The following KMT2C variants were observed in gnomAD, a reference collection of about 807,000 sequenced individuals.
KMT2C encodes lysine methyltransferase 2C, also known as histone-lysine N-methyltransferase 2C.
KMT2C carries 88 observed loss-of-function variants against 507.9 expected under a neutral mutation model. That is an observed-to-expected ratio of 0.17 (90% CI 0.15 to 0.21). The LOEUF (loss-of-function observed/expected upper bound fraction) is 0.21, where lower values mean the gene tolerates loss of function less well. Among genes scored for constraint, KMT2C ranks in the 10% least tolerant of loss-of-function variants. The pLI is 1.00. For missense variants in KMT2C, 4,954 were observed against 5,957.8 expected (o/e 0.83, Z 5.55); for synonymous variants, 2,049 against 2,080.8 (o/e 0.98, Z 0.42).
intron 1 of KMT2C, among the ~76,000 whole-genome samples, chr7:152,362,319 G>A (rs2097203764): frequency 2.0e-5 from 3 of 152,060 alleles, no homozygotes; most frequent in Admixed American, 2.0e-4. Context: ...GGGTTAGAGG[G>A]ACAAGAAGGA....
chr7:152,257,892 A>C (rs2095688415), intron 9 of KMT2C, among the ~76,000 whole-genome samples: 1 of 151,708 alleles, frequency 6.6e-6, no homozygotes, highest in African/African-American at 2.4e-5. Context: ...CACAAAAAAA[A>C]CACCTCATAA....
chr7:152,367,878 ATT>A, intron 1 of KMT2C: 1 of 1,065,860 alleles, frequency 9.4e-7, no homozygotes, highest in Non-Finnish European at 1.5e-6. Flanking sequence ...ACCATTGGAT[ATT>A]GAGTTTATGA....
intron 2 of KMT2C, among the ~76,000 whole-genome samples, chr7:152,354,244 A>C (rs560116543): frequency 2.6e-5 from 4 of 152,206 alleles, no homozygotes; most frequent in African/African-American, 7.2e-5. Flanking sequence ...CGTGGGGCTT[A>C]CTACTCTCCA....
At chr7:152,306,956 A>T (rs2360217) in intron 6 of KMT2C, among the ~76,000 whole-genome samples, 5 of 151,924 alleles carry the variant, frequency 3.3e-5, no homozygotes, top group African/African-American at 9.7e-5. Context: ...CTCAGGAGAT[A>T]GAGACTAGCC....
intron 6 of KMT2C, among the ~76,000 whole-genome samples, chr7:152,298,093 C>T (rs2096532714): frequency 6.6e-6 from 1 of 151,220 alleles, no homozygotes; most frequent in Admixed American, 6.6e-5. Flanking sequence ...CAGACACTAG[C>T]TAAAGTACAA....
At chr7:152,325,294 G>A (rs769984419) in intron 3 of KMT2C, among the ~76,000 whole-genome samples, 1 of 149,964 alleles carries the variant, frequency 6.7e-6, no homozygotes, top group Non-Finnish European at 1.5e-5. Context: ...GACTACAGGT[G>A]CCCACCACCA....
intron 1 of KMT2C, among the ~76,000 whole-genome samples, chr7:152,382,116 T>C (rs2097379495): frequency 1.3e-5 from 2 of 152,274 alleles, no homozygotes; most frequent in Admixed American, 6.5e-5. Flanking sequence ...CAACTCTTTT[T>C]TCCACTGCTC....
intron 2 of KMT2C, among the ~76,000 whole-genome samples, chr7:152,353,281 C>T (rs1313552212): frequency 6.6e-6 from 1 of 152,246 alleles, no homozygotes; most frequent in Admixed American, 6.5e-5. Flanking sequence ...AAAAATTAGC[C>T]AGGCATGGTG....
At chr7:152,367,685 T>C in intron 1 of KMT2C, 1 of 1,404,788 alleles carries the variant, frequency 7.1e-7, no homozygotes, top group Non-Finnish European at 1.0e-6. Context: ...TCACAATAGC[T>C]GACACCCCAG....
chr7:152,145,310 AG>A lies in KMT2C; in HGVS notation c.14032-16del. ...ACCCCAGGAAGCTGAAAAGAAGCAA[AG>A]CAGACACAAAGTCACCCCATCTGAT... On this transcript the variant is annotated splice_polypyrimidine_tract_variant and intron_variant, in intron 53 of 58. Coordinates refer to ENST00000262189, the MANE Select transcript of KMT2C (RefSeq NM_170606.3). 2 of 1,612,900 alleles carry A rather than the reference AG, an allele frequency of 1.2e-6. No individual in the cohort carries two copies. Among genetic ancestry groups the A allele is most frequent in the Non-Finnish European group, 1.7e-6 (2 of 1,179,308 alleles).
intron 3 of KMT2C, among the ~76,000 whole-genome samples, chr7:152,319,672 G>C (rs2096754042): frequency 6.6e-6 from 1 of 152,154 alleles, no homozygotes; most frequent in Non-Finnish European, 1.5e-5. Context: ...CTAACCGTCT[G>C]CCTGTGATGC....
intron 8 of KMT2C, 142 bp downstream of exon 8, chr7:152,264,896 A>AT (rs1034870855): frequency 5.7e-6 from 5 of 878,662 alleles, no homozygotes; most frequent in South Asian, 3.1e-5. Flanking sequence ...ATATCCAGTA[A>AT]TTTTTTTAAG....
chr7:152,213,090 T>C (rs2094492595), intron 23 of KMT2C, among the ~76,000 whole-genome samples: 1 of 152,200 alleles, frequency 6.6e-6, no homozygotes, highest in Non-Finnish European at 1.5e-5. Flanking sequence ...AATATAACGA[T>C]ATCCCCATGT....
At chr7:152,165,166 G>C (rs997675853) in intron 42 of KMT2C, among the ~76,000 whole-genome samples, 1 of 152,232 alleles carries the variant, frequency 6.6e-6, no homozygotes, top group Non-Finnish European at 1.5e-5. Flanking sequence ...AGAAAGTACA[G>C]AAAGCACCTA....
rs547354057 is a variant in KMT2C at position 152,150,233 on chromosome 7, G to A, written c.12774+667C>T. Among the ~76,000 whole-genome samples, 74 of 152,298 alleles carry A rather than the reference G, an allele frequency of 4.9e-4. No individual in the cohort carries two copies. The Middle Eastern group carries it at 0.017, about 35-fold the overall frequency. On this transcript the variant is annotated intron_variant, in intron 51 of 58. Transcript: ENST00000262189. ...TCTTTCACCATACTGTGAGCAAAGTGTTTTCTCTTAAAATGCACAAATAGT... is the reference window on the plus strand; with the variant it reads ...TCTTTCACCATACTGTGAGCAAAGTATTTTCTCTTAAAATGCACAAATAGT...
chr7:152,416,491 G>A (rs2097737301), intron 1 of KMT2C, among the ~76,000 whole-genome samples: 2 of 152,270 alleles, frequency 1.3e-5, no homozygotes, highest in Non-Finnish European at 2.9e-5. Flanking sequence ...GGAGTTTGCA[G>A]TGAGCCGAGA....
chr7:152,162,855 A>C lies in KMT2C; in HGVS notation c.10722T>G (p.Ser3574=). 6.2e-7 allele frequency: 1 copy of C among 1,614,164 alleles called. No homozygotes were observed. Among genetic ancestry groups the C allele is most frequent in the Non-Finnish European group, 8.5e-7 (1 of 1,180,030 alleles). The stretch of plus-strand genomic sequence containing the variant: ...GATAACTGTGTCCATGGGTTATAGT[A>C]GAATCTTGGCCACATGGGAGACTGC... ...ANSSLPCGQD[S]TITHGHSYPG... The change falls in exon 43 of 59, where the codon TCT becomes TCG. Residue 3574 remains serine (S), a synonymous_variant. Transcript: ENST00000262189.
intron 26 of KMT2C, 55 bp downstream of exon 26, chr7:152,202,879 C>A (rs1173895064): frequency 7.4e-7 from 1 of 1,354,012 alleles, no homozygotes; most frequent in Non-Finnish European, 1.0e-6. Flanking sequence ...AAACTCAATA[C>A]ATTTTATTTC....
At chr7:152,304,037 G>T (rs772102462) in intron 6 of KMT2C, among the ~76,000 whole-genome samples, 5 of 144,172 alleles carry the variant, frequency 3.5e-5, no homozygotes, top group Admixed American at 2.0e-4. Flanking sequence ...CACTGAGAAT[G>T]TATAATAAAG....
Sources: allele counts gnomAD v4.1 joint callset (sites outside exome capture counted in the v4.1 genomes callset), GRCh38; gene constraint gnomAD v4.1.1; transcripts MANE v1.5; gene names NCBI Gene and HGNC (gene_info 2026-07-23, HGNC 2026-07-21).